The following SYNE2 variants were observed in gnomAD, a reference collection of about 807,000 sequenced individuals.
The protein encoded by SYNE2 is spectrin repeat containing nuclear envelope protein 2.
In SYNE2, 431 loss-of-function variants were observed where a neutral mutation model predicts 856.3. The observed-to-expected ratio is 0.50, with a 90% CI of 0.47 to 0.55. The LOEUF (loss-of-function observed/expected upper bound fraction) is 0.55, where lower values mean the gene tolerates loss of function less well. SYNE2 is among the 20% of genes least tolerant of loss of function. SYNE2 has a pLI of 0.00. For synonymous variants in SYNE2, 2,923 were observed against 2,872.3 expected (o/e 1.02, Z -0.56); for missense variants, 8,129 against 8,023.2 (o/e 1.01, Z -0.50).
At chr14:63,970,674 G>A (rs1433411296) in intron 11 of SYNE2, among the ~76,000 whole-genome samples, 3 of 57,638 alleles carry the variant, frequency 5.2e-5, no homozygotes, top group Admixed American at 2.4e-4. Flanking sequence ...TTTTTTTTGA[G>A]ATATAGTCTC....
At chr14:64,057,143 CTTAG>C (rs1192768989) in intron 49 of SYNE2, among the ~76,000 whole-genome samples, 1 of 152,034 alleles carries the variant, frequency 6.6e-6, no homozygotes, top group Non-Finnish European at 1.5e-5. Context: ...CAACTGTACT[CTTAG>C]TTATTTTTAA....
At position 64,152,815 on chromosome 14, in the gene SYNE2, T is replaced by G. The variant is rs982449144; in HGVS notation, c.15792+99T>G. 6 of 1,445,436 alleles carry G rather than the reference T, an allele frequency of 4.2e-6. No homozygotes were observed. In the Admixed American group the frequency reaches 1.1e-4, roughly 26 times the overall value. The allele number at this position is 1,445,436 out of a possible 1,614,324, so 89.5% of individuals were successfully genotyped here. ...TCGTCCTTTACTCATGGAGACTCTC[T>G]ATACCAAACACTGAAAAGTTGCTGA... is the stretch of plus-strand genomic sequence containing the variant. On this transcript the variant is annotated intron_variant, in intron 85 of 115. Coordinates refer to ENST00000555002, the MANE Select transcript of SYNE2 (RefSeq NM_182914.3).
At position 64,212,820 on chromosome 14, in the gene SYNE2, C is replaced by A; in HGVS notation, c.18871C>A (p.Gln6291Lys). ...TCTCCTCTCTCAACAGGGCTTCCAA[C>A]AGGAAATTACATTAAATACCAACAA... ...DKMRQLNGFQ[Q>K]EITLNTNKID... Residue 6291 changes from glutamine (Q) to lysine (K), a missense_variant, in exon 105 of 116, where the codon CAG becomes AAG. This residue lies in a region of SYNE2 where 5,410 missense variants were observed against 5,284.8 expected (regional missense o/e 1.02). Coordinates refer to ENST00000555002, the MANE Select transcript of SYNE2 (RefSeq NM_182914.3). 2 of 1,614,216 alleles carry A rather than the reference C, an allele frequency of 1.2e-6. No individual in the cohort carries two copies. The highest frequency in any genetic ancestry group is 4.5e-5 in the East Asian group (2 of 44,886).
intron 1 of SYNE2, among the ~76,000 whole-genome samples, chr14:63,807,308 T>G (rs1888398039): frequency 6.6e-6 from 1 of 150,678 alleles, no homozygotes; most frequent in Non-Finnish European, 1.5e-5. Context: ...TGCCACTACA[T>G]TTCAGCCTGG....
At chr14:63,793,152 T>C (rs1387677025) in intron 1 of SYNE2, among the ~76,000 whole-genome samples, 1 of 152,192 alleles carries the variant, frequency 6.6e-6, no homozygotes, top group African/African-American at 2.4e-5. Context: ...CTTTCTCTTT[T>C]AGATTTGAGA....
intron 71 of SYNE2, 115 bp downstream of exon 71, chr14:64,125,325 G>C (rs868328936): frequency 1.4e-6 from 2 of 1,436,606 alleles, no homozygotes; most frequent in Middle Eastern, 3.5e-4. Context: ...ACACATAATG[G>C]AATGGGTCCT....
chr14:63,853,314 T>C (rs2139991252), intron 1 of SYNE2, among the ~76,000 whole-genome samples, 171 bp downstream of exon 1: 1 of 151,712 alleles, frequency 6.6e-6, no homozygotes, highest in African/African-American at 2.4e-5. Context: ...CAGGAAACTT[T>C]GCTCGGGTGG....
chr14:63,900,232 T>G (rs1457295663), intron 1 of SYNE2, among the ~76,000 whole-genome samples: 1 of 152,220 alleles, frequency 6.6e-6, no homozygotes, highest in African/African-American at 2.4e-5. Context: ...ATTTGAGAAT[T>G]GCTACATTTT....
At chr14:64,167,681 G>A in intron 92 of SYNE2, 42 bp downstream of exon 92, 1 of 1,613,594 alleles carries the variant, frequency 6.2e-7, no homozygotes, top group Non-Finnish European at 8.5e-7. Flanking sequence ...GCTCATCTGG[G>A]GCAGGAGTCA....
At chr14:63,944,178 C>G (rs1415074704) in intron 6 of SYNE2, among the ~76,000 whole-genome samples, 1 of 150,438 alleles carries the variant, frequency 6.6e-6, no homozygotes, top group Non-Finnish European at 1.5e-5. Flanking sequence ...ATATTTACAT[C>G]AATAATTAAT....
rs2098474875 is a variant in SYNE2, at chr14:64,183,941, A to T, written c.17557-2483A>T. ...AGAGGGGGCTCGGCATCAGAGGGAG[A>T]CGTGGAAAGAAGGGAGAGGGAGGGG... On this transcript the variant is annotated intron_variant, in intron 96 of 115. Transcript: ENST00000555002. Among the ~76,000 whole-genome samples, 3 of 101,660 alleles carry T rather than the reference A, an allele frequency of 3.0e-5. No homozygotes were observed. In the South Asian group the frequency reaches 1.2e-3, roughly 41 times the overall value. The allele number at this position is 101,660 out of a possible 152,430, so 66.7% of individuals were successfully genotyped here.
At chr14:63,840,557 C>T (rs7145810) in intron 1 of SYNE2, among the ~76,000 whole-genome samples, 2 of 145,978 alleles carry the variant, frequency 1.4e-5, no homozygotes, top group African/African-American at 5.1e-5. Context: ...GCCAGGCTGG[C>T]CTTGAATTCC....
chr14:63,814,023 A>T (rs1045994879), intron 1 of SYNE2, among the ~76,000 whole-genome samples: 1 of 151,970 alleles, frequency 6.6e-6, no homozygotes, highest in African/African-American at 2.4e-5. Flanking sequence ...ACACCACTGC[A>T]CTCCAGCCTG....
At chr14:64,074,284 G>A in intron 53 of SYNE2, 148 bp downstream of exon 53, 2 of 797,982 alleles carry the variant, frequency 2.5e-6, no homozygotes, top group Non-Finnish European at 2.2e-6. Flanking sequence ...CCTGTGGCAT[G>A]GTATGGGCAG....
chr14:63,894,837 C>T (rs971529699), intron 1 of SYNE2, among the ~76,000 whole-genome samples: 4 of 152,166 alleles, frequency 2.6e-5, no homozygotes, highest in African/African-American at 9.7e-5. Flanking sequence ...TGCTTGTAGG[C>T]AAGACTCTGT....
chr14:63,765,977 C>G (rs1212157211), intron 1 of SYNE2, among the ~76,000 whole-genome samples: 2 of 152,064 alleles, frequency 1.3e-5, no homozygotes, highest in Admixed American at 6.6e-5. Flanking sequence ...TGCACTGCCA[C>G]CTGGGTGACA....
intron 73 of SYNE2, 141 bp downstream of exon 73, chr14:64,126,948 G>A (rs2097952118): frequency 3.9e-6 from 4 of 1,034,448 alleles, no homozygotes; most frequent in Admixed American, 4.0e-5. Flanking sequence ...TGTTGCTCAT[G>A]GTTGGAGATC....
chr14:64,072,954 A>G (rs2097424178), intron 52 of SYNE2, among the ~76,000 whole-genome samples: 1 of 152,206 alleles, frequency 6.6e-6, no homozygotes, highest in Admixed American at 6.5e-5. Context: ...GGATACAGAT[A>G]AACAGCCAGA....
chr14:63,858,423 A>AT lies in SYNE2; in HGVS notation c.-52+5291dup, dbSNP rs984256364. Among the ~76,000 whole-genome samples the AT allele has an allele frequency of 2.5e-3, 349 of 142,110 alleles. 2 individuals carry two copies. Among genetic ancestry groups the AT allele is most frequent in the African/African-American group, 7.6e-3 (294 of 38,744 alleles). 93.2% of individuals were successfully genotyped at this position (142,110 alleles called of 152,430 possible). A position where few individuals can be genotyped will look rare whatever the true frequency, so the allele number is the denominator to read the frequency against. ...AGGCATGAGCCACTGCACCCAGCCT[A>AT]TTTTTTTTTTTGAGACAGTATCTCG... is the stretch of plus-strand genomic sequence containing the variant. On this transcript the variant is annotated intron_variant, in intron 1 of 115. Coordinates refer to ENST00000555002, the MANE Select transcript of SYNE2 (RefSeq NM_182914.3).
Sources: gnomAD v4.1 joint callset for allele counts (sites outside exome capture counted in the v4.1 genomes callset) on GRCh38, gnomAD v4.1.1 for gene constraint, gnomAD v4.1.1 regional missense constraint, MANE v1.5 for transcripts, NCBI Gene and HGNC (gene_info 2026-07-23, HGNC 2026-07-21) for gene names.